Variants in PYGB observed in about 807,000 individuals in gnomAD.
PYGB encodes the protein glycogen phosphorylase, brain form.
Under a neutral mutation model 94.3 loss-of-function variants are expected in PYGB, and 82 were observed. The observed-to-expected ratio is 0.87, with a 90% CI of 0.73 to 1.04. The LOEUF is 1.04. PYGB is among the 50% of genes least tolerant of loss of function. The pLI is 0.00. For synonymous variants in PYGB, 488 were observed against 479.1 expected (o/e 1.02, Z -0.24); for missense variants, 1,132 against 1,158.2 (o/e 0.98, Z 0.33).
chr20:25,257,665 T>TA (rs555097041), intron 1 of PYGB, among the ~76,000 whole-genome samples: 4 of 152,184 alleles, frequency 2.6e-5, no homozygotes, highest in South Asian at 4.1e-4. Flanking sequence ...CGTCATCTCT[T>TA]AAAAAAAAAT....
At chr20:25,254,497 A>G (rs2092897616) in intron 1 of PYGB, among the ~76,000 whole-genome samples, 1 of 152,244 alleles carries the variant, frequency 6.6e-6, no homozygotes, top group Admixed American at 6.5e-5. Context: ...TGAAGGGAAG[A>G]GAAGTGAACA....
chr20:25,282,765 CGAGT>C (rs897357553), intron 12 of PYGB, among the ~76,000 whole-genome samples: 71 of 152,176 alleles, frequency 4.7e-4, no homozygotes, highest in Non-Finnish European at 8.7e-4. Flanking sequence ...GAGAGGTGGC[CGAGT>C]GTTTGCAGGC....
chr20:25,270,782 A>G (rs1252293220), intron 3 of PYGB, among the ~76,000 whole-genome samples: 2 of 152,214 alleles, frequency 1.3e-5, no homozygotes, highest in East Asian at 3.8e-4. Context: ...GGTGTGAGCC[A>G]CCACTCCTGG....
intron 2 of PYGB, among the ~76,000 whole-genome samples, chr20:25,265,637 CAGGCTGG>C (rs2088211354): frequency 6.7e-6 from 1 of 148,806 alleles, no homozygotes; most frequent in African/African-American, 2.5e-5. Context: ...CTCTGTCGCC[CAGGCTGG>C]AGGGCAGTGG....
chr20:25,294,075 T>A (rs2145902870), intron 17 of PYGB, 83 bp from the exon 18 acceptor site: 1 of 1,553,870 alleles, frequency 6.4e-7, no homozygotes, highest in Non-Finnish European at 8.7e-7. Flanking sequence ...GGGCAGGGGC[T>A]GTGCCAGGCA....
At position 25,284,111 on chromosome 20, in the gene PYGB, A is replaced by G; in HGVS notation, c.1628A>G (p.Lys543Arg). Residue 543 changes from lysine to arginine, a missense_variant, in exon 14 of 20, where the codon AAG becomes AGG. Physicochemically the swap from Lys to Arg is conservative, Grantham distance 26. Coordinates refer to ENST00000216962, the MANE Select transcript of PYGB (RefSeq NM_002862.4). Reference protein sequence around the residue: ...RDVAKVKQENKLKFSAFLEKE... With the variant: ...RDVAKVKQENRLKFSAFLEKE... ...TCCCTTTCACCCTCCCAGGAGAACAAGCTCAAGTTCTCGGCCTTCCTGGAG... is the reference window on the plus strand; with the variant it reads ...TCCCTTTCACCCTCCCAGGAGAACAGGCTCAAGTTCTCGGCCTTCCTGGAG... 1.2e-6 allele frequency: 2 copies of G among 1,613,964 alleles called. No homozygotes were observed. Among genetic ancestry groups the G allele is most frequent in the Non-Finnish European group, 1.7e-6 (2 of 1,179,894 alleles).
chr20:25,261,028 C>T (rs1226918982), intron 2 of PYGB, among the ~76,000 whole-genome samples: 2 of 152,226 alleles, frequency 1.3e-5, no homozygotes, highest in Non-Finnish European at 2.9e-5. Context: ...GGCCTGCCTG[C>T]CTCTGTAGAC....
At chr20:25,281,992 G>A (rs375823665) in intron 11 of PYGB, 41 bp from the exon 12 acceptor site, 2 of 1,524,872 alleles carry the variant, frequency 1.3e-6, no homozygotes, top group Non-Finnish European at 9.1e-7. Flanking sequence ...CTGGTGCAGG[G>A]CACAGCATTT....
rs752703479 is a variant in PYGB at position 25,290,539 on chromosome 20, A to G, written c.1886A>G (p.Asp629Gly). Residue 629 changes from aspartate (D) to glycine (G), a missense_variant, in exon 16 of 20, where the codon GAC (aspartate) becomes GGC (glycine). Coordinates refer to ENST00000216962, the MANE Select transcript of PYGB (RefSeq NM_002862.4). ...LIIKLVTSIGDVVNHDPVVGD... is the reference protein window; with the variant it reads ...LIIKLVTSIGGVVNHDPVVGD... ...ATCAAGTTGGTCACCTCCATCGGCG[A>G]CGTCGTCAATCATGACCCAGTTGTG... The G allele has an allele frequency of 1.2e-6, 2 of 1,611,838 alleles. No homozygotes were observed. The highest frequency in any genetic ancestry group is 1.7e-6 in the Non-Finnish European group (2 of 1,177,984).
At chr20:25,264,818 G>T (rs1390097220) in intron 2 of PYGB, among the ~76,000 whole-genome samples, 1 of 152,178 alleles carries the variant, frequency 6.6e-6, no homozygotes, top group Non-Finnish European at 1.5e-5. Flanking sequence ...TCATGGATAG[G>T]AAGAATCAAT....
At chr20:25,278,944 G>GGGGGT in intron 8 of PYGB, 113 bp from the exon 9 acceptor site, 1 of 997,768 alleles carries the variant, frequency 1.0e-6, no homozygotes. Context: ...CAGGCTTCTC[G>GGGGGT]GGGGTGGGGT....
chr20:25,276,287 G>A (rs775187922), intron 5 of PYGB, among the ~76,000 whole-genome samples: 4 of 152,168 alleles, frequency 2.6e-5, no homozygotes, highest in Non-Finnish European at 5.9e-5. Context: ...AGGCGCGGAG[G>A]GCAGAGGGTA....
Position 25,274,679 on chromosome 20 carries a change from C to G in PYGB, c.616C>G (p.Arg206Gly). The change falls in exon 5 of 20, where the codon CGC becomes GGC. Residue 206 changes from arginine (R) to glycine (G), a missense_variant. Physicochemically the swap from Arg to Gly is moderately radical, Grantham distance 125. Transcript: ENST00000216962. Reference protein sequence around the residue: ...EYMLPVHFYGRVEHTPDGVKW... With the variant: ...EYMLPVHFYGGVEHTPDGVKW... ...TATGCTTCCCGTGCACTTCTACGGA[C>G]GCGTGGAGCACACCCCCGACGGCGT... 1.2e-6 allele frequency: 2 copies of G among 1,613,820 alleles called. No individual in the cohort carries two copies. Among genetic ancestry groups the G allele is most frequent in the Non-Finnish European group, 1.7e-6 (2 of 1,180,032 alleles).
At chr20:25,261,014 A>G (rs1354259006) in intron 2 of PYGB, among the ~76,000 whole-genome samples, 2 of 152,348 alleles carry the variant, frequency 1.3e-5, no homozygotes, top group South Asian at 2.1e-4. Flanking sequence ...CCACAGCTCA[A>G]GTAGGCCTGC....
rs1181115115 is a variant in PYGB at position 25,288,411 on chromosome 20, C to T, written c.1769-14C>T. On this transcript the variant is annotated splice_polypyrimidine_tract_variant and intron_variant, in intron 14 of 19. Transcript: ENST00000216962. ...CGCGGTGCCTTGTGTGAGTCTCTTC[C>T]GTGTGTCCTGCAGGAATCAAGAGAG... 1.1e-5 allele frequency: 18 copies of T among 1,614,146 alleles called. No homozygotes were observed. Among genetic ancestry groups the T allele is most frequent in the Middle Eastern group, 1.6e-4 (1 of 6,062 alleles).
intron 14 of PYGB, among the ~76,000 whole-genome samples, chr20:25,285,892 CA>C (rs2088413972): frequency 6.6e-6 from 1 of 152,212 alleles, no homozygotes. Context: ...GTGTCTAGTT[CA>C]TGACTGGCTC....
At chr20:25,265,158 C>G (rs1464531537) in intron 2 of PYGB, among the ~76,000 whole-genome samples, 1 of 152,090 alleles carries the variant, frequency 6.6e-6, no homozygotes, top group Non-Finnish European at 1.5e-5. Context: ...ACAAACCTGA[C>G]AAAAGCAAGC....
intron 3 of PYGB, among the ~76,000 whole-genome samples, chr20:25,270,058 C>T (rs1030078957): frequency 6.6e-6 from 1 of 152,136 alleles, no homozygotes; most frequent in Non-Finnish European, 1.5e-5. Flanking sequence ...AACAAGAGTC[C>T]GCGAGGCTCC....
intron 1 of PYGB, among the ~76,000 whole-genome samples, chr20:25,254,684 G>C (rs1256449161): frequency 6.6e-6 from 1 of 152,216 alleles, no homozygotes; most frequent in Non-Finnish European, 1.5e-5. Context: ...TAGCTCACTA[G>C]GTATAAATAT....
Sources: allele counts gnomAD v4.1 joint callset (sites outside exome capture counted in the v4.1 genomes callset), GRCh38; gene constraint gnomAD v4.1.1; transcripts MANE v1.5; gene names NCBI Gene and HGNC (gene_info 2026-07-23, HGNC 2026-07-21).